Variants in OCA2 observed in about 807,000 individuals in gnomAD.
OCA2 encodes OCA2 melanosomal transmembrane protein, also known as P protein.
Under a neutral mutation model 100.2 loss-of-function variants are expected in OCA2, and 77 were observed. The ratio of observed to expected loss-of-function variants is 0.77; its 90% CI spans 0.64 to 0.93. The LOEUF (loss-of-function observed/expected upper bound fraction) is 0.93. OCA2 is among the 40% of genes least tolerant of loss of function. The pLI is 0.00. For missense variants in OCA2, 1,062 were observed against 1,089.1 expected, an observed-to-expected ratio of 0.98 and a Z score of 0.35; for synonymous variants, 432 against 439.2, an observed-to-expected ratio of 0.98 and a Z score of 0.21.
intron 23 of OCA2, among the ~76,000 whole-genome samples, chr15:27,789,121 C>T (rs1366288095): frequency 1.4e-5 from 2 of 143,714 alleles, no homozygotes; most frequent in Admixed American, 7.6e-5. Flanking sequence ...GAAGAAAAGA[C>T]AAAAATACAT....
At chr15:27,743,052 T>C in the OCA2 span, among the ~76,000 whole-genome samples, 1 of 152,346 alleles carries the variant, frequency 6.6e-6, no homozygotes, top group African/African-American at 2.4e-5. Context: ...CAAGGCTCCA[T>C]TGGCTGCCTC....
intron 23 of OCA2, among the ~76,000 whole-genome samples, chr15:27,807,043 G>T (rs911439225): frequency 2.4e-4 from 37 of 152,074 alleles, no homozygotes; most frequent in African/African-American, 8.5e-4. Flanking sequence ...TGGACCGACC[G>T]GCCCTGCCTC....
In OCA2 at chr15:27,912,632, G is replaced by C. The variant is rs187951625; in HGVS notation, c.2079+13495C>G. Among the ~76,000 whole-genome samples, 161 of 152,296 alleles carry C rather than the reference G, an allele frequency of 1.1e-3. 1 individual carries two copies. Among genetic ancestry groups the C allele is most frequent in the African/African-American group, 3.6e-3 (150 of 41,560 alleles). On this transcript the variant is annotated intron_variant, in intron 19 of 23. Coordinates refer to ENST00000354638, the MANE Select transcript of OCA2 (RefSeq NM_000275.3). ...AGCTCTTCCTTATAGATAAGCTCCA[G>C]TTAATAAATGTATTAATAGAAGCAA...
intron 22 of OCA2, among the ~76,000 whole-genome samples, chr15:27,847,628 C>G (rs574664148): frequency 2.0e-5 from 3 of 152,180 alleles, no homozygotes; most frequent in Non-Finnish European, 4.4e-5. Context: ...ATGGGTCAGC[C>G]CTGGCAGGTT....
chr15:27,888,664 T>A (rs555507763), intron 19 of OCA2, among the ~76,000 whole-genome samples: 11 of 152,354 alleles, frequency 7.2e-5, no homozygotes, highest in African/African-American at 2.4e-4. Flanking sequence ...TTCTTTTTTT[T>A]AATTTTATAT....
chr15:27,746,047 G>T, the OCA2 span, among the ~76,000 whole-genome samples: 4 of 152,234 alleles, frequency 2.6e-5, no homozygotes, highest in African/African-American at 9.6e-5. Flanking sequence ...CAACCACCTT[G>T]GGCACATGTT....
intron 19 of OCA2, among the ~76,000 whole-genome samples, chr15:27,890,318 T>C (rs1163338479): frequency 1.3e-5 from 2 of 152,126 alleles, no homozygotes; most frequent in Non-Finnish European, 2.9e-5. Context: ...TTTTCCCAAT[T>C]TGGCAAAAGA....
rs550650936 is a variant in OCA2, at chr15:28,046,021, G to A, written c.228-13858C>T. 3.9e-5 allele frequency among the ~76,000 whole-genome samples: 6 copies of A among 152,236 alleles called. No individual in the cohort carries two copies. The East Asian group carries it at 1.2e-3, about 29-fold the overall frequency. Reference sequence around the variant, plus strand: ...CTGCTATGAGATGGCTCGCTGGTTAGGGACCACGTGTCCCACCCCTTCTAT... The same window carrying A: ...CTGCTATGAGATGGCTCGCTGGTTAAGGACCACGTGTCCCACCCCTTCTAT... On this transcript the variant is annotated intron_variant, in intron 2 of 23. Transcript: ENST00000354638.
At chr15:27,844,478 C>G (rs2151378755) in intron 23 of OCA2, among the ~76,000 whole-genome samples, 1 of 152,234 alleles carries the variant, frequency 6.6e-6, no homozygotes, top group East Asian at 1.9e-4. Flanking sequence ...TCCAGGATAT[C>G]TGAACCATCC....
At chr15:27,915,296 C>T (rs1595637136) in intron 19 of OCA2, among the ~76,000 whole-genome samples, 5 of 152,146 alleles carry the variant, frequency 3.3e-5, no homozygotes, top group Admixed American at 6.5e-5. Context: ...GGACACAGAG[C>T]CTGGCAAAGA....
At chr15:28,059,591 G>C (rs2043809473) in intron 2 of OCA2, among the ~76,000 whole-genome samples, 1 of 152,166 alleles carries the variant, frequency 6.6e-6, no homozygotes, top group Non-Finnish European at 1.5e-5. Flanking sequence ...ATCTAAATTT[G>C]AGATTAACTA....
chr15:27,955,292 G>T, intron 16 of OCA2, 77 bp from the exon 17 acceptor site: 1 of 1,077,930 alleles, frequency 9.3e-7, no homozygotes. Context: ...AGTCCCCAGC[G>T]CTTCGTGCCT....
chr15:27,722,800 C>CTCTCTCTT, the OCA2 span, among the ~76,000 whole-genome samples: 2 of 77,364 alleles, frequency 2.6e-5, no homozygotes, highest in African/African-American at 3.8e-5. Flanking sequence ...CTCTCTCTCT[C>CTCTCTCTT]TTTCTCTCTC....
intron 14 of OCA2, among the ~76,000 whole-genome samples, chr15:27,970,461 A>ACGGCATGG: frequency 6.6e-6 from 1 of 152,214 alleles, no homozygotes; most frequent in Non-Finnish European, 1.5e-5. Context: ...GGAACGCAGG[A>ACGGCATGG]AAAACGCCCC....
In OCA2 at chr15:27,900,291, T is replaced by G. The variant is rs577415277; in HGVS notation, c.2079+25836A>C. ...TATATGAACAAGCATGTACAGCTAC[T>G]GCGCACATGCACCCAGAGGAACACC... On this transcript the variant is annotated intron_variant, in intron 19 of 23. Coordinates refer to ENST00000354638, the MANE Select transcript of OCA2 (RefSeq NM_000275.3). Among the ~76,000 whole-genome samples, 42 of 152,234 alleles carry G rather than the reference T, an allele frequency of 2.8e-4. 1 individual carries two copies. The South Asian group carries it at 8.7e-3, about 32-fold the overall frequency.
intron 11 of OCA2, among the ~76,000 whole-genome samples, chr15:27,988,033 G>A (rs868283666): frequency 1.2e-3 from 185 of 152,126 alleles, no homozygotes; most frequent in African/African-American, 3.9e-3. Flanking sequence ...GTGGGGCTTC[G>A]CACACCAATG....
chr15:28,084,152 C>T lies in OCA2; in HGVS notation c.-21-2257G>A, dbSNP rs576476498. On this transcript the variant is annotated intron_variant, in intron 1 of 23. Transcript: ENST00000354638. Reference sequence around the variant, plus strand: ...CTCCTCTCTCCACCATGTGTGGACACGGCGAGAAGATGCTGTCTGTGAACC... The same window carrying T: ...CTCCTCTCTCCACCATGTGTGGACATGGCGAGAAGATGCTGTCTGTGAACC... Among the ~76,000 whole-genome samples the T allele has an allele frequency of 4.9e-4, 74 of 152,316 alleles. No homozygotes were observed. The East Asian group carries it at 7.0e-3, about 14-fold the overall frequency.
intron 18 of OCA2, among the ~76,000 whole-genome samples, chr15:27,926,614 TTTG>T (rs1413496061): frequency 2.6e-5 from 4 of 152,072 alleles, no homozygotes; most frequent in African/African-American, 9.7e-5. Context: ...ACCATAGTTT[TTTG>T]TTGTTGTTGT....
Position 27,944,136 on chromosome 15 carries a change from A to G in OCA2, c.1951+7648T>C, listed in dbSNP as rs529599366. ...TACCCTTGGCTTGTCTCCACATCAG[A>G]GCTCTGAAGGTCTTGGTGTCTAAAT... On this transcript the variant is annotated intron_variant, in intron 18 of 23. Transcript: ENST00000354638. Among the ~76,000 whole-genome samples the G allele has an allele frequency of 2.0e-5, 3 of 152,294 alleles. No homozygotes were observed. The Middle Eastern group carries it at 0.01, about 518-fold the overall frequency.
Sources: gnomAD v4.1 joint callset for allele counts (sites outside exome capture counted in the v4.1 genomes callset) on GRCh38, gnomAD v4.1.1 for gene constraint, MANE v1.5 for transcripts, NCBI Gene and HGNC (gene_info 2026-07-23, HGNC 2026-07-21) for gene names.